PLCG2: variants seen among roughly 807,000 people sequenced by gnomAD.
PLCG2 encodes the protein phospholipase C gamma 2, also known as 1-phosphatidylinositol 4,5-bisphosphate phosphodiesterase gamma-2.
Under a neutral mutation model 175.6 loss-of-function variants are expected in PLCG2, and 69 were observed. The observed-to-expected ratio is 0.39, with a 90% CI of 0.32 to 0.48. The LOEUF is 0.48. Ranked by LOEUF, PLCG2 falls within the 20% of genes least tolerant of loss-of-function variation. PLCG2 has a pLI of 0.91. For synonymous variants in PLCG2, 827 were observed against 624.0 expected (o/e 1.33, Z -4.85); for missense variants, 1,798 against 1,650.9 (o/e 1.09, Z -1.54).
In PLCG2 at chr16:81,786,096, C is replaced by G; in HGVS notation, c.107C>G (p.Ser36Cys). 1 of 1,614,192 alleles carries G rather than the reference C, an allele frequency of 6.2e-7. No homozygotes were observed. Among genetic ancestry groups the G allele is most frequent in the Admixed American group, 1.7e-5 (1 of 60,022 alleles). ...TVMTVFSFRK[S>C]TPERRTVQVI... ...ATGACTGTGTTCAGCTTCCGCAAGT[C>G]CACCCCCGAGCGGAGAACCGTCCAG... The change falls in exon 2 of 33, where the codon TCC (serine) becomes TGC (cysteine). Residue 36 changes from serine to cysteine, a missense_variant. By Grantham distance (112) the Ser-to-Cys change is moderately radical (BLOSUM62 -1). Coordinates refer to ENST00000564138, the MANE Select transcript of PLCG2 (RefSeq NM_002661.5).
At chr16:81,900,854 CA>C in intron 14 of PLCG2, 74 bp downstream of exon 14, 17 of 1,399,356 alleles carry the variant, frequency 1.2e-5, no homozygotes, top group Non-Finnish European at 1.6e-5. Flanking sequence ...GGGTCCCGTT[CA>C]CCAAGTTCTA....
chr16:81,754,454 A>ACCCCTCC, intron 1 of PLCG2, among the ~76,000 whole-genome samples: 1 of 14 alleles, frequency 0.071, no homozygotes, highest in African/African-American at 0.5. Context: ...CCTCCTCCCC[A>ACCCCTCC]CCACCTCATT....
At chr16:81,764,667 T>C (rs373022608) in intron 2 of PLCG2, among the ~76,000 whole-genome samples, 2 of 152,252 alleles carry the variant, frequency 1.3e-5, no homozygotes, top group African/African-American at 4.8e-5. Flanking sequence ...TATTACCTTG[T>C]GGACCAGGTT....
At chr16:81,760,462 C>T (rs1440697160) in intron 2 of PLCG2, among the ~76,000 whole-genome samples, 5 of 152,302 alleles carry the variant, frequency 3.3e-5, no homozygotes, top group African/African-American at 1.2e-4. Context: ...GACTATGGGG[C>T]AGAGCTGAGC....
intron 2 of PLCG2, among the ~76,000 whole-genome samples, chr16:81,826,960 G>A (rs1265471861): frequency 6.6e-6 from 1 of 152,220 alleles, no homozygotes; most frequent in African/African-American, 2.4e-5. Flanking sequence ...GATCCGATGA[G>A]ATGACTGAAG....
chr16:81,835,834 CT>C (rs1328302931), intron 2 of PLCG2, among the ~76,000 whole-genome samples: 4 of 152,112 alleles, frequency 2.6e-5, no homozygotes. Context: ...CCTCTGGTAG[CT>C]GCTGGTGACC....
chr16:81,788,622 G>T (rs184985755), intron 2 of PLCG2, among the ~76,000 whole-genome samples: 34 of 152,312 alleles, frequency 2.2e-4, no homozygotes, highest in African/African-American at 7.9e-4. Context: ...TCTATGCTGC[G>T]TGGCTGCTGA....
intron 28 of PLCG2, chr16:81,938,336 G>GTA (rs1910801325): frequency 5.5e-6 from 1 of 182,064 alleles, no homozygotes; most frequent in Non-Finnish European, 1.1e-5. Flanking sequence ...TTTTTGAAAA[G>GTA]TAGAGAAATG....
chr16:81,745,535 T>A (rs998201462), intron 1 of PLCG2, among the ~76,000 whole-genome samples: 4 of 152,228 alleles, frequency 2.6e-5, no homozygotes, highest in Middle Eastern at 3.4e-3. Context: ...CTGCAGGCCA[T>A]ATGGTAATTA....
chr16:81,852,759 G>T (rs1906482209), intron 2 of PLCG2, among the ~76,000 whole-genome samples: 1 of 152,216 alleles, frequency 6.6e-6, no homozygotes, highest in Non-Finnish European at 1.5e-5. Flanking sequence ...TCTGGGCATG[G>T]GTGGGGACTG....
At chr16:81,762,937 G>C (rs1910070984) in intron 2 of PLCG2, among the ~76,000 whole-genome samples, 1 of 152,098 alleles carries the variant, frequency 6.6e-6, no homozygotes, top group East Asian at 1.9e-4. Context: ...CATGCCTGTA[G>C]TCCCAGCTAC....
rs117323074 is a variant in PLCG2, at chr16:81,772,070, A to C, written c.-47-13873A>C. Reference sequence around the variant, plus strand: ...AGTGCTGGGATTACAGGTGTGAGCCACTGGTGCAAGGCTGGAAATAGGGTC... The same window carrying C: ...AGTGCTGGGATTACAGGTGTGAGCCCCTGGTGCAAGGCTGGAAATAGGGTC... On this transcript the variant is annotated intron_variant, in intron 2 of 5. Coordinates refer to the PLCG2 transcript ENST00000565054. 7.2e-4 allele frequency among the ~76,000 whole-genome samples: 110 copies of C among 152,320 alleles called. 1 individual carries two copies. In the East Asian group the frequency reaches 0.02, roughly 28 times the overall value.
chr16:81,960,465 A>G lies in PLCG2; in HGVS notation c.*2467A>G. ...CCATTTTCCTAAGTGTGTTATTTAG[A>G]ATATTGGTTATTACAAGGAAAAATA... On this transcript the variant is annotated 3_prime_UTR_variant, in exon 33 of 33. Transcript: ENST00000564138. The G allele has an allele frequency of 4.4e-6, 1 of 229,340 alleles. No individual in the cohort carries two copies. Among genetic ancestry groups the G allele is most frequent in the Admixed American group, 5.7e-5 (1 of 17,642 alleles). The allele number at this position is 229,340 out of a possible 1,614,324, so 14.2% of individuals were successfully genotyped here. A position where few individuals can be genotyped will look rare whatever the true frequency, so the allele number is the denominator to read the frequency against.
chr16:81,778,043 C>CAAAACAAACAA (rs1910507588), upstream of PLCG2, among the ~76,000 whole-genome samples: 2 of 59,860 alleles, frequency 3.3e-5, no homozygotes, highest in Non-Finnish European at 6.3e-5. Flanking sequence ...AAAAAAAAAA[C>CAAAACAAACAA]AAAAAAAAAA....
At chr16:81,884,167 A>G (rs193292258) in intron 9 of PLCG2, among the ~76,000 whole-genome samples, 20 of 152,310 alleles carry the variant, frequency 1.3e-4, no homozygotes, top group Middle Eastern at 3.4e-3. Context: ...CCTGGCCAAC[A>G]TGGTGAAACC....
chr16:81,797,460 A>G (rs1445965060), intron 2 of PLCG2, among the ~76,000 whole-genome samples: 2 of 152,208 alleles, frequency 1.3e-5, no homozygotes, highest in Non-Finnish European at 2.9e-5. Context: ...GCTTTCATGC[A>G]AGGCCCGATC....
intron 2 of PLCG2, among the ~76,000 whole-genome samples, chr16:81,841,249 T>C (rs566906370): frequency 7.7e-6 from 1 of 129,618 alleles, no homozygotes; most frequent in South Asian, 2.4e-4. Flanking sequence ...TATTTATTTA[T>C]TTATTGAGAT....
Position 81,960,230 on chromosome 16 carries a change from C to T in PLCG2, c.*2232C>T. On this transcript the variant is annotated 3_prime_UTR_variant, in exon 33 of 33. Coordinates refer to ENST00000564138, the MANE Select transcript of PLCG2 (RefSeq NM_002661.5). Reference sequence around the variant, plus strand: ...TGGTGGTGTTAGGGACTGATTCTCTCAGGAAAGGCACACATGGTATGATGG... The same window carrying T: ...TGGTGGTGTTAGGGACTGATTCTCTTAGGAAAGGCACACATGGTATGATGG... 4.5e-6 allele frequency: 1 copy of T among 220,576 alleles called. No homozygotes were observed. The highest frequency in any genetic ancestry group is 9.1e-6 in the Non-Finnish European group (1 of 110,092). The allele number at this position is 220,576 out of a possible 1,614,324, so 13.7% of individuals were successfully genotyped here.
intron 31 of PLCG2, among the ~76,000 whole-genome samples, chr16:81,953,622 C>T (rs9938232): frequency 0.14 from 21,907 of 152,160 alleles, 2,143 homozygotes; most frequent in African/African-American, 0.28. Flanking sequence ...AGTGAAAACT[C>T]AGACTCAAAA....
Sources: gnomAD v4.1 joint callset for allele counts (sites outside exome capture counted in the v4.1 genomes callset) on GRCh38, gnomAD v4.1.1 for gene constraint, MANE v1.5 for transcripts, NCBI Gene and HGNC (gene_info 2026-07-23, HGNC 2026-07-21) for gene names.